Variants in NBEA observed in about 807,000 individuals in gnomAD.
The protein encoded by NBEA is lysosomal-trafficking regulator 2.
NBEA carries 44 observed loss-of-function variants against 343.4 expected under a neutral mutation model. That is an observed-to-expected ratio of 0.13 (90% CI 0.10 to 0.16). The LOEUF (loss-of-function observed/expected upper bound fraction) is 0.16. NBEA is among the 10% of genes least tolerant of loss of function. NBEA has a pLI of 1.00. For missense variants in NBEA, 2,555 were observed against 3,631.3 expected (o/e 0.70, Z 7.62); for synonymous variants, 1,175 against 1,238.7 (o/e 0.95, Z 1.08).
At chr13:35,482,602 A>G (rs1478964623) in intron 41 of NBEA, among the ~76,000 whole-genome samples, 6 of 151,562 alleles carry the variant, frequency 4.0e-5, no homozygotes, top group African/African-American at 1.2e-4. Context: ...CATAGTTTGT[A>G]AGATGTAGTG....
intron 38 of NBEA, among the ~76,000 whole-genome samples, chr13:35,354,241 C>T (rs764882196): frequency 5.3e-5 from 8 of 152,190 alleles, no homozygotes; most frequent in Non-Finnish European, 1.0e-4. Context: ...TACCCATCTA[C>T]AGACCTTGTC....
intron 41 of NBEA, among the ~76,000 whole-genome samples, chr13:35,547,583 T>C (rs2079119668): frequency 6.6e-6 from 1 of 151,990 alleles, no homozygotes; most frequent in African/African-American, 2.4e-5. Flanking sequence ...TAGTAAGAAA[T>C]AAAGATAACT....
intron 1 of NBEA, among the ~76,000 whole-genome samples, chr13:34,990,217 A>G (rs977202409): frequency 1.1e-4 from 17 of 151,170 alleles, no homozygotes; most frequent in African/African-American, 4.1e-4. Flanking sequence ...TCCACTAGGC[A>G]GTGCCCCAGT....
chr13:35,496,603 C>T (rs1199492565), intron 41 of NBEA, among the ~76,000 whole-genome samples: 3 of 139,852 alleles, frequency 2.1e-5, no homozygotes, highest in South Asian at 2.3e-4. Context: ...CACTGCACTC[C>T]AGCCTGGGTT....
intron 1 of NBEA, among the ~76,000 whole-genome samples, chr13:35,004,880 AGCTAT>A (rs1382263453): frequency 6.6e-6 from 1 of 152,218 alleles, no homozygotes; most frequent in African/African-American, 2.4e-5. Context: ...GACATAATGC[AGCTAT>A]GCACATGATA....
At chr13:35,539,511 G>A (rs955877559) in intron 41 of NBEA, among the ~76,000 whole-genome samples, 1 of 152,104 alleles carries the variant, frequency 6.6e-6, no homozygotes, top group Non-Finnish European at 1.5e-5. Flanking sequence ...TACCTACTAT[G>A]TACCATAGTA....
chr13:35,561,134 A>T (rs2079839381), intron 44 of NBEA, among the ~76,000 whole-genome samples: 2 of 152,178 alleles, frequency 1.3e-5, no homozygotes, highest in Non-Finnish European at 2.9e-5. Flanking sequence ...CGTCAGTATC[A>T]CACATGATGA....
In NBEA at chr13:35,293,706, T is replaced by C. The variant is rs184559018; in HGVS notation, c.5838+3256T>C. The stretch of plus-strand genomic sequence containing the variant: ...TTGTGCTCTTTGATGAATAGCAGAT[T>C]TAGTTTTCAAGTAAACTTCTTTAGG... On this transcript the variant is annotated intron_variant, in intron 35 of 58. Transcript: ENST00000379939. Among the ~76,000 whole-genome samples the C allele has an allele frequency of 7.2e-5, 11 of 152,180 alleles. 1 individual carries two copies. In the East Asian group the frequency reaches 7.7e-4, roughly 11 times the overall value.
intron 38 of NBEA, among the ~76,000 whole-genome samples, chr13:35,397,282 C>G (rs1012711414): frequency 6.6e-6 from 1 of 152,174 alleles, no homozygotes; most frequent in Non-Finnish European, 1.5e-5. Context: ...TCTCTACTGT[C>G]AGTGCTTTTA....
chr13:35,462,498 G>A (rs2046963041), intron 40 of NBEA, among the ~76,000 whole-genome samples: 1 of 152,178 alleles, frequency 6.6e-6, no homozygotes, highest in Non-Finnish European at 1.5e-5. Context: ...GCATGAGTCA[G>A]GGAGTCTCTG....
intron 48 of NBEA, among the ~76,000 whole-genome samples, chr13:35,617,780 T>C (rs564015865): frequency 6.6e-6 from 1 of 152,334 alleles, no homozygotes; most frequent in Admixed American, 6.5e-5. Context: ...ATGATCATAC[T>C]GATCTCTTGC....
At chr13:35,297,987 T>C (rs1212646806) in intron 35 of NBEA, among the ~76,000 whole-genome samples, 1 of 151,618 alleles carries the variant, frequency 6.6e-6, no homozygotes, top group Non-Finnish European at 1.5e-5. Flanking sequence ...AAAATATGCA[T>C]ATAACTTTTT....
intron 18 of NBEA, 40 bp downstream of exon 18, chr13:35,142,417 A>G (rs1249509903): frequency 3.5e-6 from 5 of 1,444,538 alleles, no homozygotes; most frequent in Non-Finnish European, 4.9e-6. Flanking sequence ...TTAAGTGTAT[A>G]CAGTGGAAAC....
rs1252376144 is a variant in NBEA at position 35,052,149 on chromosome 13, T to C, written c.972+1754T>C. Among the ~76,000 whole-genome samples, 5 of 152,020 alleles carry C rather than the reference T, an allele frequency of 3.3e-5. No individual in the cohort carries two copies. In the East Asian group the frequency reaches 5.8e-4, roughly 18 times the overall value. On this transcript the variant is annotated intron_variant, in intron 6 of 58. Coordinates refer to ENST00000379939, the MANE Select transcript of NBEA (RefSeq NM_001385012.1). ...CACAAACCTTGAAAAGTCATAAATA[T>C]TTGCTTTTACTGTGTTTCATTATTC...
chr13:35,379,496 G>T (rs1049317153), intron 38 of NBEA, among the ~76,000 whole-genome samples: 4 of 152,032 alleles, frequency 2.6e-5, no homozygotes, highest in Non-Finnish European at 5.9e-5. Flanking sequence ...ACTCTGGGTT[G>T]CCTTTTGCTT....
At chr13:35,354,298 T>C (rs117219945) in intron 38 of NBEA, among the ~76,000 whole-genome samples, 5,325 of 152,310 alleles carry the variant, frequency 0.035, 139 homozygotes, top group Non-Finnish European at 0.054. Context: ...AATACTTACT[T>C]ATATGTAGTC....
At chr13:35,536,647 G>GATAA (rs71081260) in intron 41 of NBEA, among the ~76,000 whole-genome samples, 67,374 of 114,990 alleles carry the variant, frequency 0.59, 15,618 homozygotes, top group East Asian at 0.63. Context: ...ATAGATAGAT[G>GATAA]ATAGATAGAT....
chr13:35,464,484 C>T (rs1228959315), intron 40 of NBEA, among the ~76,000 whole-genome samples: 1 of 152,198 alleles, frequency 6.6e-6, no homozygotes, highest in Admixed American at 6.5e-5. Context: ...GCTCACTTCC[C>T]CACCAAAAAT....
intron 47 of NBEA, 71 bp downstream of exon 47, chr13:35,593,518 T>A: frequency 8.0e-7 from 1 of 1,247,532 alleles, no homozygotes; most frequent in Non-Finnish European, 1.1e-6. Flanking sequence ...TTTAAGTGGG[T>A]ATGTATAAGA....
Sources: allele counts gnomAD v4.1 joint callset (sites outside exome capture counted in the v4.1 genomes callset), GRCh38; gene constraint gnomAD v4.1.1; transcripts MANE v1.5; gene names NCBI Gene and HGNC (gene_info 2026-07-23, HGNC 2026-07-21).